Variants in WIZ observed in about 807,000 individuals in gnomAD.
WIZ encodes the protein protein Wiz.
In WIZ, 25 loss-of-function variants were observed where a neutral mutation model predicts 140.2. The observed-to-expected ratio is 0.18, with a 90% CI of 0.13 to 0.25. The LOEUF is 0.25. WIZ is among the 10% of genes least tolerant of loss of function. The pLI is 1.00. For synonymous variants in WIZ, 1,125 were observed against 1,154.3 expected (o/e 0.97, Z 0.51); for missense variants, 2,231 against 2,632.6 (o/e 0.85, Z 3.34).
In WIZ at chr19:15,427,148, C is replaced by T; in HGVS notation, c.4200G>A (p.Lys1400=). ...PTASPPPTAR[K]MFPGLAAPSL... is the part of the protein sequence containing the mutation. The stretch of plus-strand genomic sequence containing the variant: ...AGGGTGCAGCCAGGCCTGGGAACAT[C>T]TTTCGGGCCGTAGGAGGAGGAGAGG... The change falls in exon 9 of 13, where the codon AAG becomes AAA. Residue 1400 remains lysine, a synonymous_variant. Transcript: ENST00000673675. The surrounding 1 kb of genome is among the most constrained non-coding windows in gnomAD (Gnocchi z 6.4). The T allele has an allele frequency of 6.2e-7, 1 of 1,614,220 alleles. No homozygotes were observed. Among genetic ancestry groups the T allele is most frequent in the Non-Finnish European group, 8.5e-7 (1 of 1,180,036 alleles).
rs368137564 is a variant in WIZ at position 15,423,136 on chromosome 19, G to T, written c.5610C>A (p.Asp1870Glu). ...GGGCCTGGGACTCCTCAGGTGGGGG[G>T]TCCGCTTTGGAGAAGTTCATCTCCA... Reference protein sequence around the residue: ...HILEMNFSKADPPPEESQAPQ... With the variant: ...HILEMNFSKAEPPPEESQAPQ... Residue 1870 changes from aspartate to glutamate, a missense_variant, in exon 13 of 13, where the codon GAC (aspartate) becomes GAA (glutamate). This residue lies in a region of WIZ where 299 missense variants were observed against 309.6 expected (regional missense o/e 0.97). Transcript: ENST00000673675. 3.7e-6 allele frequency: 6 copies of T among 1,612,872 alleles called. 1 individual carries two copies. The South Asian group carries it at 6.6e-5, about 18-fold the overall frequency.
At chr19:15,436,319 G>T (rs1251838757) in intron 5 of WIZ, among the ~76,000 whole-genome samples, 1 of 152,206 alleles carries the variant, frequency 6.6e-6, no homozygotes, top group East Asian at 1.9e-4. Flanking sequence ...GATAGAAGAT[G>T]TCATTAACAG....
chr19:15,423,997 A>C (rs1968544764), intron 12 of WIZ, 186 bp downstream of exon 12: 1 of 512,254 alleles, frequency 2.0e-6, no homozygotes, highest in South Asian at 3.9e-5. Context: ...CAGAGTTGGG[A>C]TTTGAACCCA....
intron 5 of WIZ, among the ~76,000 whole-genome samples, chr19:15,431,530 G>A (rs1042271383): frequency 2.6e-5 from 4 of 152,188 alleles, no homozygotes; most frequent in African/African-American, 7.2e-5. Flanking sequence ...CGAGGGTGAG[G>A]GTGGGAGGCA....
intron 2 of WIZ, among the ~76,000 whole-genome samples, chr19:15,447,081 G>T (rs1969945343): frequency 6.6e-6 from 1 of 152,164 alleles, no homozygotes; most frequent in African/African-American, 2.4e-5. Context: ...AATAATGAAG[G>T]CTATTCCACA....
Position 15,430,147 on chromosome 19 carries a change from C to T in WIZ, c.2912-58G>A, listed in dbSNP as rs535291302. The T allele has an allele frequency of 6.2e-6, 9 of 1,449,082 alleles. No homozygotes were observed. In the African/African-American group the frequency reaches 9.9e-5, roughly 16 times the overall value. The allele number at this position is 1,449,082 out of a possible 1,614,324, so 89.8% of individuals were successfully genotyped here. On this transcript the variant is annotated intron_variant, in intron 6 of 12. Coordinates refer to ENST00000673675, the MANE Select transcript of WIZ (RefSeq NM_001371589.1). ...CTGTGAGGCCCACGGCCCAGCTCTC[C>T]CGCTTCTCCTCCCCTGAGAGTCCCA...
chr19:15,438,523 C>A, intron 4 of WIZ, 55 bp downstream of exon 4: 1 of 1,443,192 alleles, frequency 6.9e-7, no homozygotes, highest in Non-Finnish European at 9.1e-7. Flanking sequence ...TTTAGATCAA[C>A]GGTGGGTTGC....
rs1165506882 is a variant in WIZ, at chr19:15,424,778, G to A, written c.5149C>T (p.Pro1717Ser). ...CCCCCGGGTGCCAGCCCCAGGGACG[G>A]CCGCTTGTCACTGTCACGGCCATGG... The part of the protein sequence containing the change: ...AGHGRDSDKR[P>S]SLGLAPGGLA... Residue 1717 changes from proline to serine, a missense_variant, in exon 11 of 13, where the codon CCG becomes TCG. Physicochemically the swap from Pro to Ser is moderately conservative, Grantham distance 74. Coordinates refer to ENST00000673675, the MANE Select transcript of WIZ (RefSeq NM_001371589.1). The surrounding 1 kb of genome is among the most constrained non-coding windows in gnomAD (Gnocchi z 9.7). 1.3e-6 allele frequency: 2 copies of A among 1,589,344 alleles called. No individual in the cohort carries two copies. The highest frequency in any genetic ancestry group is 1.7e-6 in the Non-Finnish European group (2 of 1,169,556).
intron 5 of WIZ, chr19:15,432,593 TGGGCGGGGGCGCCCCCGC>T (rs1260839561): frequency 3.4e-6 from 1 of 295,168 alleles, no homozygotes; most frequent in African/African-American, 2.4e-5. Flanking sequence ...CTCGGGGGGC[TGGGCGGGGGCGCCCCCGC>T]GGGCGCGCGC....
rs1969115456 is a variant in WIZ at position 15,429,875 on chromosome 19, T to C, written c.3126A>G (p.Ser1042=). 10 of 1,534,318 alleles carry C rather than the reference T, an allele frequency of 6.5e-6. No homozygotes were observed. Among genetic ancestry groups the C allele is most frequent in the East Asian group, 2.4e-5 (1 of 40,828 alleles). Residue 1042 remains serine, a synonymous_variant, in exon 7 of 13, where the codon TCA becomes TCG. Coordinates refer to ENST00000673675, the MANE Select transcript of WIZ (RefSeq NM_001371589.1). ...LPPGLAKKSS[S]LKEVVAGAPR... ...GGGCCCCGGCGACCACCTCCTTCAG[T>C]GAGCTGGACTTCTTAGCCAGGCCTG...
At chr19:15,432,169 A>C (rs542267812) in intron 5 of WIZ, among the ~76,000 whole-genome samples, 81 of 152,200 alleles carry the variant, frequency 5.3e-4, no homozygotes, top group Admixed American at 2.8e-3. Flanking sequence ...GACGGACCGG[A>C]ACCGTGGCAA....
chr19:15,429,476 TC>T, intron 7 of WIZ, 109 bp downstream of exon 7: 1 of 1,071,038 alleles, frequency 9.3e-7, no homozygotes, highest in Non-Finnish European at 1.2e-6. Flanking sequence ...GGAGCTGTAG[TC>T]CCCACCGCCC....
intron 1 of WIZ, chr19:15,449,318 C>G (rs1174938181): frequency 6.6e-6 from 1 of 152,210 alleles, no homozygotes; most frequent in Non-Finnish European, 1.5e-5. Flanking sequence ...TCCCAGGGGG[C>G]TCCTCCGTGG....
Position 15,425,581 on chromosome 19 carries a change from G to A in WIZ, c.4554C>T (p.Leu1518=), listed in dbSNP as rs1176049240. 2 of 1,613,388 alleles carry A rather than the reference G, an allele frequency of 1.2e-6. No individual in the cohort carries two copies. The highest frequency in any genetic ancestry group is 2.2e-5 in the East Asian group (1 of 44,838). Residue 1518 remains leucine (L), a synonymous_variant, in exon 10 of 13, where the codon CTC becomes CTT. Coordinates refer to ENST00000673675, the MANE Select transcript of WIZ (RefSeq NM_001371589.1). ...CTCCAGCCGGTGGCTCCTTCTTGAT[G>A]AGGCACGGCTTGGACTTCTTCTTGA... ...EILKKKSKPC[L]IKKEPPAGDL...
rs370585580 is a variant in WIZ at position 15,440,996 on chromosome 19, CGGGGATGT to C, written c.279-289_279-282del. On this transcript the variant is annotated intron_variant, in intron 3 of 12. Coordinates refer to ENST00000673675, the MANE Select transcript of WIZ (RefSeq NM_001371589.1). This position sits in a 1 kb window ranked among gnomAD's most constrained non-coding sequence, Gnocchi z 6.2. ...GTACGGAGACCACCCCTGGGCCACA[CGGGGATGT>C]GGCCACCTCTAAGAAGTCTGGTGGC... Among the ~76,000 whole-genome samples the C allele has an allele frequency of 1.6e-4, 24 of 152,246 alleles. No homozygotes were observed. In the East Asian group the frequency reaches 4.6e-3, roughly 29 times the overall value.
chr19:15,426,007 A>G (rs1242212772), intron 9 of WIZ, among the ~76,000 whole-genome samples: 1 of 151,572 alleles, frequency 6.6e-6, no homozygotes, highest in Non-Finnish European at 1.5e-5. Context: ...ACCACCCACC[A>G]GACCGCAACA....
chr19:15,424,512 G>C lies in WIZ; in HGVS notation c.5314+101C>G. 2.0e-6 allele frequency: 3 copies of C among 1,530,640 alleles called. No homozygotes were observed. Among genetic ancestry groups the C allele is most frequent in the Non-Finnish European group, 2.6e-6 (3 of 1,139,936 alleles). The allele number at this position is 1,530,640 out of a possible 1,614,324, so 94.8% of individuals were successfully genotyped here. A position where few individuals can be genotyped will look rare whatever the true frequency, so the allele number is the denominator to read the frequency against. ...TGGATGGGTGAATGGGTAAGCAACT[G>C]GAGAAAGGACTTAAGGGCCACAGCA... is the stretch of plus-strand genomic sequence containing the variant. On this transcript the variant is annotated intron_variant, in intron 11 of 12. Transcript: ENST00000673675. This position sits in a 1 kb window ranked among gnomAD's most constrained non-coding sequence, Gnocchi z 9.7.
In WIZ at chr19:15,421,492, A is replaced by C. The variant is rs371916389; in HGVS notation, c.*1584T>G. ...ACTTGACCGTTTAGTAAAAACGATG[A>C]GCTGAAAAACCACATGCAATAAACA... On this transcript the variant is annotated 3_prime_UTR_variant, in exon 13 of 13. Transcript: ENST00000673675. 11 of 152,410 alleles carry C rather than the reference A, an allele frequency of 7.2e-5. No homozygotes were observed. The highest frequency in any genetic ancestry group is 2.6e-4 in the African/African-American group (11 of 41,592). 9.4% of individuals were successfully genotyped at this position (152,410 alleles called of 1,614,324 possible).
At chr19:15,423,280 G>A in intron 12 of WIZ, 45 bp from the exon 13 acceptor site, 1 of 1,601,612 alleles carries the variant, frequency 6.2e-7, no homozygotes, top group East Asian at 2.2e-5. Flanking sequence ...GCTGTGAGGA[G>A]AGGCGGAAGC....
Sources: gnomAD v4.1 joint callset for allele counts (sites outside exome capture counted in the v4.1 genomes callset) on GRCh38, gnomAD v4.1.1 for gene constraint, gnomAD v4.1.1 regional missense constraint, Gnocchi (gnomAD v3.1) non-coding constraint, MANE v1.5 for transcripts, NCBI Gene and HGNC (gene_info 2026-07-23, HGNC 2026-07-21) for gene names.